ANKRD12: variants seen among roughly 807,000 people sequenced by gnomAD.
ANKRD12 encodes ankyrin repeat domain 12, also known as ankyrin repeat domain-containing protein 12.
Under a neutral mutation model 183.4 loss-of-function variants are expected in ANKRD12, and 85 were observed. The observed-to-expected ratio is 0.46, with a 90% CI of 0.39 to 0.56. ANKRD12 has a LOEUF of 0.56. Ranked by LOEUF, ANKRD12 falls within the 20% of genes least tolerant of loss-of-function variation. The pLI, the probability that ANKRD12 is intolerant of heterozygous loss-of-function variation, is 0.00. For missense variants in ANKRD12, 2,405 were observed against 2,357.1 expected (o/e 1.02, Z -0.42); for synonymous variants, 914 against 800.2 (o/e 1.14, Z -2.40).
chr18:9,210,965 T>G (rs1249086871), intron 5 of ANKRD12, among the ~76,000 whole-genome samples: 3 of 152,044 alleles, frequency 2.0e-5, no homozygotes, highest in Non-Finnish European at 4.4e-5. Context: ...TTTGTAGTTT[T>G]GAAATTGGAG....
At chr18:9,250,693 G>A (rs1314374055) in intron 8 of ANKRD12, among the ~76,000 whole-genome samples, 1 of 152,044 alleles carries the variant, frequency 6.6e-6, no homozygotes, top group Non-Finnish European at 1.5e-5. Context: ...TTCCAGCCTG[G>A]GCAACAGAAC....
intron 3 of ANKRD12, among the ~76,000 whole-genome samples, chr18:9,197,771 C>T (rs2034930282): frequency 6.6e-6 from 1 of 152,060 alleles, no homozygotes. Flanking sequence ...ATTGAGTAGA[C>T]TGAGGAAGAG....
chr18:9,274,438 A>G (rs2039737111), intron 10 of ANKRD12, among the ~76,000 whole-genome samples: 1 of 152,256 alleles, frequency 6.6e-6, no homozygotes, highest in South Asian at 2.1e-4. Flanking sequence ...GAAGCCAATC[A>G]CCAAAGACCA....
Position 9,255,600 on chromosome 18 carries a change from C to T in ANKRD12, c.2333C>T (p.Pro778Leu). Residue 778 changes from proline (P) to leucine (L), a missense_variant, in exon 9 of 13, where the codon CCC becomes CTC. Transcript: ENST00000262126. ...CTAAAAGAAGAGAGAGAAAACATACCCACAGATAAAGACTCAGAATTTACT... is the reference window on the plus strand; with the variant it reads ...CTAAAAGAAGAGAGAGAAAACATACTCACAGATAAAGACTCAGAATTTACT... ...KDLKEERENI[P>L]TDKDSEFTSL... is the part of the protein sequence containing the mutation. 1.3e-6 allele frequency: 2 copies of T among 1,566,366 alleles called. No homozygotes were observed.
intron 10 of ANKRD12, 67 bp downstream of exon 10, chr18:9,263,955 C>G: frequency 1.7e-6 from 2 of 1,170,692 alleles, no homozygotes; most frequent in South Asian, 2.2e-5. Flanking sequence ...TTAAAATGGC[C>G]TATAATTTTT....
intron 3 of ANKRD12, among the ~76,000 whole-genome samples, chr18:9,199,983 T>C (rs1567907964): frequency 6.6e-6 from 1 of 152,204 alleles, no homozygotes; most frequent in African/African-American, 2.4e-5. Context: ...TATGTTACTT[T>C]TATAAAGTCA....
At chr18:9,224,350 A>G (rs1329061045) in intron 8 of ANKRD12, among the ~76,000 whole-genome samples, 2 of 152,178 alleles carry the variant, frequency 1.3e-5, no homozygotes, top group East Asian at 3.8e-4. Context: ...GTGCAGGCAC[A>G]CTCAGGTTGC....
intron 1 of ANKRD12, among the ~76,000 whole-genome samples, chr18:9,146,914 A>G (rs1350397600): frequency 1.3e-5 from 2 of 152,246 alleles, no homozygotes; most frequent in Non-Finnish European, 2.9e-5. Flanking sequence ...GGCCTAAACA[A>G]TTCAGTCCTG....
At chr18:9,191,895 A>T (rs757795721) in intron 2 of ANKRD12, among the ~76,000 whole-genome samples, 1 of 152,198 alleles carries the variant, frequency 6.6e-6, no homozygotes, top group Non-Finnish European at 1.5e-5. Flanking sequence ...CCCATACCCC[A>T]GAACCCACTG....
Position 9,256,434 on chromosome 18 carries a change from C to T in ANKRD12, c.3167C>T (p.Ser1056Leu), listed in dbSNP as rs1475627148. 1.9e-6 allele frequency: 3 copies of T among 1,613,308 alleles called. No homozygotes were observed. Among genetic ancestry groups the T allele is most frequent in the South Asian group, 2.2e-5 (2 of 90,856 alleles). ...GAAGCAGATAAGCCTAAACCTAAGTCATCACCAGCATCAAAAGATACCCGA... is the reference window on the plus strand; with the variant it reads ...GAAGCAGATAAGCCTAAACCTAAGTTATCACCAGCATCAAAAGATACCCGA... Reference protein sequence around the residue: ...KSEADKPKPKSSPASKDTRPK... With the variant: ...KSEADKPKPKLSPASKDTRPK... Residue 1056 changes from serine to leucine, a missense_variant, in exon 9 of 13, where the codon TCA (serine) becomes TTA (leucine). Ser to Leu is a moderately radical substitution (Grantham distance 145). Transcript: ENST00000262126.
At chr18:9,211,844 A>T in intron 6 of ANKRD12, 60 bp downstream of exon 6, 1 of 1,336,328 alleles carries the variant, frequency 7.5e-7, no homozygotes, top group South Asian at 1.3e-5. Flanking sequence ...GATCCTGGTT[A>T]CAATTTAATC....
At chr18:9,176,138 T>G (rs1183265435) in intron 1 of ANKRD12, among the ~76,000 whole-genome samples, 1 of 152,246 alleles carries the variant, frequency 6.6e-6, no homozygotes, top group Non-Finnish European at 1.5e-5. Context: ...GTGACATTGC[T>G]AAGATAATGA....
intron 8 of ANKRD12, among the ~76,000 whole-genome samples, chr18:9,250,916 T>C (rs1433101398): frequency 6.6e-6 from 1 of 152,168 alleles, no homozygotes; most frequent in East Asian, 1.9e-4. Flanking sequence ...GTTGAATGTT[T>C]TTAGTCTTGT....
At chr18:9,138,211 T>C (rs1301347001) in intron 1 of ANKRD12, among the ~76,000 whole-genome samples, 2 of 152,068 alleles carry the variant, frequency 1.3e-5, no homozygotes, top group Non-Finnish European at 1.5e-5. Flanking sequence ...AAATTAACTG[T>C]GTATTAAAAA....
At chr18:9,153,099 G>A (rs1346502901) in intron 1 of ANKRD12, among the ~76,000 whole-genome samples, 1 of 152,074 alleles carries the variant, frequency 6.6e-6, no homozygotes, top group Non-Finnish European at 1.5e-5. Context: ...CTTCCAAAGT[G>A]TTGGAATTAC....
intron 10 of ANKRD12, among the ~76,000 whole-genome samples, chr18:9,273,737 G>T (rs376516323): frequency 6.6e-6 from 1 of 152,276 alleles, no homozygotes; most frequent in East Asian, 1.9e-4. Context: ...TGTAGGGGAG[G>T]CAAAAGTTGA....
At chr18:9,169,869 T>G (rs1198824080) in intron 1 of ANKRD12, among the ~76,000 whole-genome samples, 2 of 152,218 alleles carry the variant, frequency 1.3e-5, no homozygotes, top group African/African-American at 4.8e-5. Context: ...CCTTTCCATG[T>G]TTAGTGCTTC....
Position 9,284,156 on chromosome 18 carries a change from C to T in ANKRD12, c.*3030C>T, listed in dbSNP as rs1281928596. On this transcript the variant is annotated 3_prime_UTR_variant, in exon 13 of 13. Transcript: ENST00000262126. The stretch of plus-strand genomic sequence containing the variant: ...AGCACATGCTGTTGGAAAAAGAGCA[C>T]CAATAGACTTGCTTGAAGCAGGGTT... The T allele has an allele frequency of 6.6e-6, 1 of 152,126 alleles. No homozygotes were observed. The highest frequency in any genetic ancestry group is 1.5e-5 in the Non-Finnish European group (1 of 68,020). The allele number at this position is 152,126 out of a possible 1,614,324, so 9.4% of individuals were successfully genotyped here. A position where few individuals can be genotyped will look rare whatever the true frequency, so the allele number is the denominator to read the frequency against.
chr18:9,172,943 C>T (rs892504467), intron 1 of ANKRD12, among the ~76,000 whole-genome samples: 2 of 151,738 alleles, frequency 1.3e-5, no homozygotes, highest in Non-Finnish European at 2.9e-5. Flanking sequence ...GCCCTGTTGC[C>T]CAGGCTAGAG....
Sources: allele counts gnomAD v4.1 joint callset (sites outside exome capture counted in the v4.1 genomes callset), GRCh38; gene constraint gnomAD v4.1.1; transcripts MANE v1.5; gene names NCBI Gene and HGNC (gene_info 2026-07-23, HGNC 2026-07-21).